TESMIN: variants seen among roughly 807,000 people sequenced by gnomAD.
TESMIN encodes the protein testis expressed metallothionein like protein.
Under a neutral mutation model 47.4 loss-of-function variants are expected in TESMIN, and 34 were observed. The ratio of observed to expected loss-of-function variants is 0.72; its 90% confidence interval spans 0.55 to 0.96. The LOEUF (loss-of-function observed/expected upper bound fraction) is 0.96, where lower values mean the gene tolerates loss of function less well. Among genes scored for constraint, TESMIN ranks in the 40% least tolerant of loss-of-function variants. The pLI, the probability that TESMIN is intolerant of heterozygous loss-of-function variation, is 0.00. For missense variants in TESMIN, 610 were observed against 637.2 expected (o/e 0.96, Z 0.46); for synonymous variants, 278 against 258.9 (o/e 1.07, Z -0.71).
Position 68,750,476 on chromosome 11 carries a change from G to T in TESMIN, c.185C>A (p.Pro62His). The change falls in exon 2 of 10, where the codon CCC becomes CAC. Residue 62 changes from proline to histidine, a missense_variant. Coordinates refer to ENST00000255087, the MANE Select transcript of TESMIN (RefSeq NM_004923.3). ...AYLGPADPKE[P>H]VLHAFNPALG... is the part of the protein sequence containing the mutation. Reference sequence around the variant, plus strand: ...CGCGGGGTTGAACGCGTGCAGGACGGGTTCCTTGGGGTCCGCCGGGCCCAG... The same window carrying T: ...CGCGGGGTTGAACGCGTGCAGGACGTGTTCCTTGGGGTCCGCCGGGCCCAG... 2 of 1,601,496 alleles carry T rather than the reference G, an allele frequency of 1.2e-6. No individual in the cohort carries two copies. Among genetic ancestry groups the T allele is most frequent in the Middle Eastern group, 1.7e-4 (1 of 6,032 alleles).
intron 9 of TESMIN, among the ~76,000 whole-genome samples, chr11:68,709,574 C>T (rs184957662): frequency 5.3e-5 from 8 of 152,222 alleles, no homozygotes; most frequent in Admixed American, 3.3e-4. Flanking sequence ...CCAGGTGGCG[C>T]TAAGTCGAAA....
intron 7 of TESMIN, among the ~76,000 whole-genome samples, chr11:68,714,456 A>G (rs1395136637): frequency 6.6e-6 from 1 of 152,230 alleles, no homozygotes; most frequent in Non-Finnish European, 1.5e-5. Flanking sequence ...ACTCCTCCTC[A>G]GCGGTGCACC....
intron 6 of TESMIN, among the ~76,000 whole-genome samples, chr11:68,718,065 C>T (rs1168160879): frequency 6.6e-6 from 1 of 151,626 alleles, no homozygotes; most frequent in Non-Finnish European, 1.5e-5. Context: ...TGACCAAGCC[C>T]TCAGCAGTGC....
intron 2 of TESMIN, 45 bp from the exon 3 acceptor site, chr11:68,747,411 T>A (rs1222995332): frequency 6.6e-7 from 1 of 1,524,348 alleles, no homozygotes; most frequent in East Asian, 2.3e-5. Flanking sequence ...TGGTGGACAC[T>A]GGCTCTTGCA....
chr11:68,730,218 G>A (rs1360322684), intron 6 of TESMIN, among the ~76,000 whole-genome samples: 1 of 152,152 alleles, frequency 6.6e-6, no homozygotes, highest in African/African-American at 2.4e-5. Context: ...ACTTCTACAT[G>A]CATTAGGAAA....
intron 6 of TESMIN, among the ~76,000 whole-genome samples, chr11:68,718,451 G>C (rs1380192472): frequency 6.6e-6 from 1 of 152,232 alleles, no homozygotes; most frequent in African/African-American, 2.4e-5. Context: ...GAAAGACCTA[G>C]AAGGTATGAA....
chr11:68,710,317 G>A (rs1223393965), intron 9 of TESMIN, among the ~76,000 whole-genome samples: 1 of 152,118 alleles, frequency 6.6e-6, no homozygotes, highest in Admixed American at 6.6e-5. Flanking sequence ...TTAAACAAAT[G>A]AATGGAATCT....
intron 6 of TESMIN, chr11:68,737,525 G>A: frequency 1.0e-6 from 1 of 985,726 alleles, no homozygotes; most frequent in Non-Finnish European, 1.2e-6. Flanking sequence ...CTCTGCAGGA[G>A]CCTGGAAAGC....
intron 6 of TESMIN, among the ~76,000 whole-genome samples, chr11:68,729,523 CAA>C (rs35489556): frequency 2.6e-4 from 27 of 103,462 alleles, no homozygotes; most frequent in Admixed American, 3.1e-4. Context: ...GACTCTGTCT[CAA>C]AAAAAAAAAA....
rs369599316 is a variant in TESMIN, at chr11:68,714,359, GTGTGCACACCTGTGTACC to G, written c.1021-970_1021-953del. Among the ~76,000 whole-genome samples the G allele has an allele frequency of 6.8e-3, 1,043 of 152,328 alleles. 6 individuals are homozygous for G. Among genetic ancestry groups the G allele is most frequent in the African/African-American group, 0.02 (816 of 41,564 alleles). On this transcript the variant is annotated intron_variant, in intron 7 of 9. Coordinates refer to ENST00000255087, the MANE Select transcript of TESMIN (RefSeq NM_004923.3). ...GCTGTGGCATGATGATCTTGTGCAT[GTGTGCACACCTGTGTACC>G]TGTGCACACCTGTGTACCTGCTACC... is the stretch of plus-strand genomic sequence containing the variant.
chr11:68,705,590 C>T (rs1334031300), downstream of TESMIN, among the ~76,000 whole-genome samples: 1 of 152,200 alleles, frequency 6.6e-6, no homozygotes, highest in Non-Finnish European at 1.5e-5. Flanking sequence ...TCATTCTAAA[C>T]AATGATTTCT....
intron 5 of TESMIN, 36 bp downstream of exon 5, chr11:68,742,282 C>A: frequency 4.6e-6 from 6 of 1,297,312 alleles, no homozygotes; most frequent in Non-Finnish European, 6.5e-6. Context: ...GACAATAATG[C>A]AAAATTGTAT....
chr11:68,714,695 T>G (rs543964794), intron 7 of TESMIN, among the ~76,000 whole-genome samples: 1 of 152,360 alleles, frequency 6.6e-6, no homozygotes, highest in South Asian at 2.1e-4. Flanking sequence ...AGTGCCTGGC[T>G]ACTCTGAATG....
chr11:68,719,194 C>T (rs115495380), intron 6 of TESMIN, among the ~76,000 whole-genome samples: 350 of 152,314 alleles, frequency 2.3e-3, no homozygotes, highest in African/African-American at 8.0e-3. Context: ...ACTGACAGTG[C>T]CCCCACTTCT....
intron 6 of TESMIN, chr11:68,733,772 A>T (rs1946355649): frequency 6.6e-6 from 1 of 152,232 alleles, no homozygotes; most frequent in Non-Finnish European, 1.5e-5. Flanking sequence ...TACTCCTTAT[A>T]TAGAGAATTA....
intron 6 of TESMIN, among the ~76,000 whole-genome samples, chr11:68,734,789 G>A (rs967665839): frequency 6.6e-6 from 1 of 152,172 alleles, no homozygotes; most frequent in South Asian, 2.1e-4. Context: ...TAATACAAAC[G>A]CCCTAAAGAG....
At chr11:68,705,613 T>C (rs1397084896), downstream of TESMIN, among the ~76,000 whole-genome samples, 1 of 152,196 alleles carries the variant, frequency 6.6e-6, no homozygotes, top group African/African-American at 2.4e-5. Flanking sequence ...TCCGTGTCTA[T>C]GAAAAAACAA....
chr11:68,724,147 G>A (rs2153991301), intron 6 of TESMIN, among the ~76,000 whole-genome samples: 1 of 152,292 alleles, frequency 6.6e-6, no homozygotes, highest in African/African-American at 2.4e-5. Context: ...AAATCCTAAA[G>A]AGCGAAATCT....
intron 6 of TESMIN, among the ~76,000 whole-genome samples, chr11:68,718,098 C>T (rs138930495): frequency 1.2e-3 from 168 of 145,928 alleles, no homozygotes; most frequent in African/African-American, 4.1e-3. Flanking sequence ...AGTCAGCCCA[C>T]ACCTCAGCTA....
Sources: allele counts gnomAD v4.1 joint callset (sites outside exome capture counted in the v4.1 genomes callset), GRCh38; gene constraint gnomAD v4.1.1; transcripts MANE v1.5; gene names NCBI Gene and HGNC (gene_info 2026-07-23, HGNC 2026-07-21).